Variants in DPH6 observed in about 807,000 individuals in gnomAD.
DPH6 encodes the protein diphthamine biosynthesis 6.
DPH6 carries 33 observed loss-of-function variants against 38.2 expected under a neutral mutation model. The observed-to-expected ratio is 0.86, with a 90% CI of 0.65 to 1.15. DPH6 has a LOEUF of 1.15. DPH6 is among the 50% of genes most tolerant of loss of function. DPH6 has a pLI of 0.00. For missense variants in DPH6, 325 were observed against 320.0 expected (o/e 1.02, Z -0.12); for synonymous variants, 108 against 103.0 (o/e 1.05, Z -0.30).
chr15:35,231,739 C>T (rs951409414), intron 3 of DPH6, among the ~76,000 whole-genome samples: 12 of 152,122 alleles, frequency 7.9e-5, no homozygotes, highest in Admixed American at 3.3e-4. Flanking sequence ...AGCATCGGCT[C>T]GGCTTCTGGT....
chr15:35,196,444 C>CT, the DPH6 span, among the ~76,000 whole-genome samples: 4 of 152,180 alleles, frequency 2.6e-5, no homozygotes, highest in Admixed American at 2.6e-4. Context: ...AGCTGGAACT[C>CT]TGCTTCCTGC....
intron 3 of DPH6, among the ~76,000 whole-genome samples, chr15:35,535,481 T>C (rs1466783654): frequency 2.6e-5 from 4 of 152,154 alleles, no homozygotes; most frequent in Non-Finnish European, 5.9e-5. Flanking sequence ...ATCCAGAAAG[T>C]AGTTCCAACC....
At chr15:35,257,930 G>A (rs1416049738) in intron 3 of DPH6, among the ~76,000 whole-genome samples, 1 of 152,024 alleles carries the variant, frequency 6.6e-6, no homozygotes, top group Admixed American at 6.6e-5. Context: ...GCAATAAAGG[G>A]AACGTTATCA....
chr15:35,334,188 A>AT (rs1266855925), intron 3 of DPH6, among the ~76,000 whole-genome samples: 1 of 152,086 alleles, frequency 6.6e-6, no homozygotes, highest in African/African-American at 2.4e-5. Context: ...AAAAAGAAAC[A>AT]TTTTTTAAAA....
chr15:35,417,954 C>G (rs2053456508), intron 5 of DPH6, among the ~76,000 whole-genome samples: 1 of 152,000 alleles, frequency 6.6e-6, no homozygotes, highest in South Asian at 2.1e-4. Flanking sequence ...TTTGGAGGAG[C>G]TATTAAAAGC....
the DPH6 span, among the ~76,000 whole-genome samples, chr15:35,188,029 G>A: frequency 1.3e-5 from 2 of 152,188 alleles, no homozygotes; most frequent in South Asian, 2.1e-4. Flanking sequence ...TAGGTAGCTA[G>A]TCAGACATGA....
intron 3 of DPH6, among the ~76,000 whole-genome samples, chr15:35,491,282 T>C (rs77158089): frequency 0.01 from 1,560 of 152,164 alleles, 27 homozygotes; most frequent in African/African-American, 0.036. Context: ...CTACATAAAG[T>C]ACCTGGCACA....
intron 3 of DPH6, among the ~76,000 whole-genome samples, chr15:35,347,457 CTT>C (rs767042543): frequency 1.0e-4 from 14 of 140,388 alleles, no homozygotes; most frequent in Non-Finnish European, 7.8e-5. Context: ...CAGCCTCCTC[CTT>C]TTTTTTTTTT....
At chr15:35,243,176 T>C (rs1390013428) in intron 3 of DPH6, among the ~76,000 whole-genome samples, 1 of 141,976 alleles carries the variant, frequency 7.0e-6, no homozygotes, top group African/African-American at 2.6e-5. Context: ...TAATTCTACA[T>C]GACAAATGTT....
intron 3 of DPH6, among the ~76,000 whole-genome samples, chr15:35,285,809 A>AT (rs1331454533): frequency 3.0e-5 from 4 of 135,516 alleles, no homozygotes; most frequent in Non-Finnish European, 6.1e-5. Context: ...TCTAGACTAG[A>AT]TTTCTCTGGC....
intron 3 of DPH6, among the ~76,000 whole-genome samples, chr15:35,486,507 C>T (rs1024972353): frequency 2.0e-5 from 3 of 151,888 alleles, no homozygotes; most frequent in Non-Finnish European, 4.4e-5. Flanking sequence ...AAGGGAAGTG[C>T]CACACTTTTA....
intron 5 of DPH6, among the ~76,000 whole-genome samples, chr15:35,437,307 TTC>T (rs1210069997): frequency 1.3e-5 from 2 of 152,290 alleles, no homozygotes; most frequent in African/African-American, 4.8e-5. Context: ...AAAAAATGTC[TTC>T]TTTTTCCTTT....
At chr15:35,224,408 G>A (rs987185527) in intron 3 of DPH6, among the ~76,000 whole-genome samples, 2 of 152,030 alleles carry the variant, frequency 1.3e-5, no homozygotes, top group African/African-American at 4.8e-5. Flanking sequence ...CGCCTGGCCT[G>A]ATTTTAGCTT....
At chr15:35,538,702 GTAT>G (rs2055209730) in intron 2 of DPH6, among the ~76,000 whole-genome samples, 1 of 152,022 alleles carries the variant, frequency 6.6e-6, no homozygotes, top group Non-Finnish European at 1.5e-5. Context: ...AAATACAAAT[GTAT>G]TAATACATAA....
chr15:35,409,270 G>T (rs991492876), intron 6 of DPH6, among the ~76,000 whole-genome samples: 4 of 151,874 alleles, frequency 2.6e-5, no homozygotes, highest in Admixed American at 6.6e-5. Flanking sequence ...TCCACTTAAA[G>T]TAAGGGGGAA....
chr15:35,446,016 G>A lies in DPH6; in HGVS notation c.505+4669C>T, dbSNP rs1184128715. On this transcript the variant is annotated intron_variant, in intron 5 of 8. Coordinates refer to ENST00000256538, the MANE Select transcript of DPH6 (RefSeq NM_080650.4). ...TCGAGTAACAACATGGGACCCATACGAACTGCCACTAGTGATGCTGGATGT... is the reference window on the plus strand; with the variant it reads ...TCGAGTAACAACATGGGACCCATACAAACTGCCACTAGTGATGCTGGATGT... 3.9e-5 allele frequency among the ~76,000 whole-genome samples: 6 copies of A among 152,090 alleles called. 1 individual carries two copies. The highest frequency in any genetic ancestry group is 7.2e-5 in the African/African-American group (3 of 41,402).
intron 3 of DPH6, chr15:35,299,030 G>C (rs1442880275): frequency 5.5e-6 from 4 of 722,136 alleles, no homozygotes; most frequent in Non-Finnish European, 1.0e-5. Flanking sequence ...CATCATGTCT[G>C]TATTTATGCC....
At chr15:35,247,587 G>C (rs2051645329) in intron 3 of DPH6, among the ~76,000 whole-genome samples, 1 of 152,188 alleles carries the variant, frequency 6.6e-6, no homozygotes, top group African/African-American at 2.4e-5. Flanking sequence ...TTCAAGACTA[G>C]AGAAGACCTG....
chr15:35,383,782 A>G (rs2052904118), intron 6 of DPH6, among the ~76,000 whole-genome samples: 1 of 152,218 alleles, frequency 6.6e-6, no homozygotes, highest in Admixed American at 6.5e-5. Flanking sequence ...ACAAGTACTG[A>G]GAGAAAAATT....
Sources: allele counts gnomAD v4.1 joint callset (sites outside exome capture counted in the v4.1 genomes callset), GRCh38; gene constraint gnomAD v4.1.1; transcripts MANE v1.5; gene names NCBI Gene and HGNC (gene_info 2026-07-23, HGNC 2026-07-21).